Variants in ZRSR2 observed in about 807,000 individuals in gnomAD.
ZRSR2 encodes the protein zinc finger CCCH-type, RNA binding motif and serine/arginine rich 2.
Under a neutral mutation model 39.4 loss-of-function variants are expected in ZRSR2, and 3 were observed. The observed-to-expected ratio is 0.08, with a 90% CI of 0.03 to 0.20. The LOEUF (loss-of-function observed/expected upper bound fraction) is 0.20. Among genes scored for constraint, ZRSR2 ranks in the 10% least tolerant of loss-of-function variants. The pLI, the probability that ZRSR2 is intolerant of heterozygous loss-of-function variation, is 1.00. For synonymous variants in ZRSR2, 137 were observed against 136.0 expected, an observed-to-expected ratio of 1.01 and a Z score of -0.05; for missense variants, 256 against 391.5, an observed-to-expected ratio of 0.65 and a Z score of 2.92.
chrX:15,793,679 C>T (rs997445214), intron 2 of ZRSR2, among the ~76,000 whole-genome samples: 3 of 111,966 alleles, frequency 2.7e-5, no homozygotes, highest in Non-Finnish European at 5.6e-5. Flanking sequence ...GCTGGGATTA[C>T]AGGTACCCAC....
intron 7 of ZRSR2, among the ~76,000 whole-genome samples, chrX:15,809,933 A>G (rs1932854496): frequency 8.9e-6 from 1 of 112,529 alleles, no homozygotes; most frequent in Non-Finnish European, 1.9e-5. Flanking sequence ...AGACTCAGGT[A>G]CAGACCGTTG....
intron 2 of ZRSR2, 148 bp downstream of exon 2, chrX:15,791,161 A>G: frequency 2.0e-6 from 1 of 494,281 alleles, no homozygotes. Context: ...TTATTTAGAA[A>G]CACATGTCAG....
rs756674991 is a variant in ZRSR2, at chrX:15,795,923, G to C, written c.122-3949G>C. 3.4e-4 allele frequency among the ~76,000 whole-genome samples: 38 copies of C among 112,123 alleles called. No homozygotes were observed. In the South Asian group the frequency reaches 4.8e-3, roughly 14 times the overall value. On this transcript the variant is annotated intron_variant, in intron 2 of 10. Transcript: ENST00000307771. Reference sequence around the variant, plus strand: ...GGATCACGAGGTCGGGACTTCGAGGGCAGCCTGGCCAACATGGTGAAACCC... The same window carrying C: ...GGATCACGAGGTCGGGACTTCGAGGCCAGCCTGGCCAACATGGTGAAACCC...
intron 6 of ZRSR2, 49 bp downstream of exon 6, chrX:15,808,320 T>G (rs760788741): frequency 9.3e-7 from 1 of 1,075,333 alleles, no homozygotes; most frequent in South Asian, 1.9e-5. Flanking sequence ...TAATGTTTCC[T>G]TAGAAATAAT....
intron 1 of ZRSR2, 90 bp from the exon 2 acceptor site, chrX:15,790,844 A>G (rs951905641): frequency 2.1e-5 from 19 of 885,070 alleles, no homozygotes; most frequent in South Asian, 4.1e-5. Context: ...CACCCGAACT[A>G]TTTCCTTTCA....
chrX:15,814,457 C>T (rs1394781495), intron 7 of ZRSR2, among the ~76,000 whole-genome samples: 4 of 111,292 alleles, frequency 3.6e-5, no homozygotes, highest in Non-Finnish European at 7.5e-5. Flanking sequence ...AGCGAGACCC[C>T]GTCCCTACAA....
chrX:15,790,820 G>A (rs1278947522), intron 1 of ZRSR2, 114 bp from the exon 2 acceptor site: 1 of 749,842 alleles, frequency 1.3e-6, no homozygotes, highest in Non-Finnish European at 2.0e-6. Context: ...AGGAAGCAAG[G>A]TTTCTCTCCT....
Position 15,800,176 on chromosome X carries a change from T to C in ZRSR2, c.203+223T>C, listed in dbSNP as rs765180596. On this transcript the variant is annotated intron_variant, in intron 3 of 10. Coordinates refer to ENST00000307771, the MANE Select transcript of ZRSR2 (RefSeq NM_005089.4). ...CTTCTGTTTTTGCTAATTTATAATT[T>C]TTTTTCTTTCTTTTTTTTTTTTTTT... Among the ~76,000 whole-genome samples, 59 of 106,195 alleles carry C rather than the reference T, an allele frequency of 5.6e-4. 1 individual carries two copies. The South Asian group carries it at 0.023, about 42-fold the overall frequency. 92.2% of individuals were successfully genotyped at this position (106,195 alleles called of 115,157 possible).
rs954405157 is a variant in ZRSR2 at position 15,819,292 on chromosome X, CA to C, written c.827+654del. On this transcript the variant is annotated intron_variant, in intron 9 of 10. Transcript: ENST00000307771. Reference sequence around the variant, plus strand: ...TTCAAGACCAGCCTGGTCAACATGGCAAAACCCCATCTCTACTAAAAATACA... The same window carrying C: ...TTCAAGACCAGCCTGGTCAACATGGCAAACCCCATCTCTACTAAAAATACA... Among the ~76,000 whole-genome samples the C allele has an allele frequency of 4.6e-5, 5 of 109,009 alleles. No homozygotes were observed. The Admixed American group carries it at 4.9e-4, about 11-fold the overall frequency. The allele number at this position is 109,009 out of a possible 115,157, so 94.7% of individuals were successfully genotyped here. A position where few individuals can be genotyped will look rare whatever the true frequency, so the allele number is the denominator to read the frequency against.
chrX:15,799,911 A>G lies in ZRSR2; in HGVS notation c.161A>G (p.Glu54Gly). 3.3e-6 allele frequency: 4 copies of G among 1,205,446 alleles called. No homozygotes were observed. Among genetic ancestry groups the G allele is most frequent in the Non-Finnish European group, 3.4e-6 (3 of 890,956 alleles). ...GAGGAAGAGGAGGACACTTTTATTG[A>G]AGAACAACAACTAGAAGAAGAGAAG... ...QKEEEEDTFI[E>G]EQQLEEEKLL... is the part of the protein sequence containing the mutation. The change falls in exon 3 of 11, where the codon GAA becomes GGA. Residue 54 changes from glutamate to glycine, a missense_variant. By Grantham distance (98) the Glu-to-Gly change is moderately conservative. Transcript: ENST00000307771.
intron 3 of ZRSR2, among the ~76,000 whole-genome samples, chrX:15,802,779 C>T (rs1229482966): frequency 9.0e-6 from 1 of 111,428 alleles, no homozygotes. Flanking sequence ...ATTTTTATAA[C>T]TCCATTTCTT....
chrX:15,817,740 C>A (rs922458685), intron 8 of ZRSR2, among the ~76,000 whole-genome samples: 37 of 111,005 alleles, frequency 3.3e-4, no homozygotes, highest in African/African-American at 1.2e-3. Flanking sequence ...CTCTTTATAC[C>A]CACAGAGACC....
At position 15,802,563 on chromosome X, in the gene ZRSR2, G is replaced by A. The variant is rs192587969; in HGVS notation, c.204-1125G>A. Among the ~76,000 whole-genome samples, 172 of 111,896 alleles carry A rather than the reference G, an allele frequency of 1.5e-3. 1 individual carries two copies. Among genetic ancestry groups the A allele is most frequent in the African/African-American group, 5.4e-3 (168 of 30,828 alleles). On this transcript the variant is annotated intron_variant, in intron 3 of 10. Transcript: ENST00000307771. ...CAAACTCCGCCTCCCAGATTCAAGC[G>A]ATTCTCCTGCCTCAGCCTCCCAAGT... is the stretch of plus-strand genomic sequence containing the variant.
intron 10 of ZRSR2, 101 bp downstream of exon 10, chrX:15,820,417 CT>C (rs1933078792): frequency 2.7e-6 from 2 of 753,535 alleles, no homozygotes; most frequent in Non-Finnish European, 4.0e-6. Context: ...TGAGGCATAG[CT>C]TTTTGCCTCA....
At chrX:15,820,457 A>T in intron 10 of ZRSR2, 141 bp downstream of exon 10, 1 of 507,301 alleles carries the variant, frequency 2.0e-6, no homozygotes, top group Non-Finnish European at 3.4e-6. Context: ...AACTTTATAT[A>T]AAGAACACCA....
intron 6 of ZRSR2, among the ~76,000 whole-genome samples, chrX:15,808,478 C>T (rs1458589127): frequency 9.0e-6 from 1 of 111,398 alleles, no homozygotes; most frequent in Non-Finnish European, 1.9e-5. Flanking sequence ...GTGGACTGGA[C>T]CTGTTTAGAG....
At chrX:15,804,282 T>G (rs1287303937) in intron 5 of ZRSR2, 85 bp downstream of exon 5, 1 of 1,091,704 alleles carries the variant, frequency 9.2e-7, no homozygotes. Context: ...TTTTTTCTCT[T>G]TTTCTTGTCA....
At chrX:15,799,726 G>T in intron 2 of ZRSR2, 146 bp from the exon 3 acceptor site, 1 of 389,471 alleles carries the variant, frequency 2.6e-6, no homozygotes, top group Non-Finnish European at 4.5e-6. Context: ...TACCAAAGAA[G>T]GTTGATCAGA....
intron 2 of ZRSR2, among the ~76,000 whole-genome samples, chrX:15,793,633 G>A (rs1232647266): frequency 1.8e-5 from 2 of 111,696 alleles, no homozygotes; most frequent in East Asian, 2.8e-4. Context: ...CTGCCTCCCA[G>A]GTTCAAGTGA....
Sources: allele counts gnomAD v4.1 joint callset (sites outside exome capture counted in the v4.1 genomes callset), GRCh38; gene constraint gnomAD v4.1.1; transcripts MANE v1.5; gene names NCBI Gene and HGNC (gene_info 2026-07-23, HGNC 2026-07-21).